OR8D1: variants seen among roughly 807,000 people sequenced by gnomAD.
OR8D1 encodes olfactory receptor 8D1.
For missense variants in OR8D1, 384 were observed against 366.8 expected (o/e 1.05, Z -0.38); for synonymous variants, 143 against 147.0 (o/e 0.97, Z 0.20).
rs1862443836 is a variant in OR8D1 at position 124,313,830 on chromosome 11, A to C, written c.-231T>G. On this transcript the variant is annotated 5_prime_UTR_variant, in exon 1 of 3. Coordinates refer to ENST00000641015, the MANE Select transcript of OR8D1 (RefSeq NM_001002917.2). ...AAGTCTTTCCCACTACCTTATACAC[A>C]CATTTATATGCCAAGGGCTGAATTA... The C allele has an allele frequency of 6.6e-6, 1 of 152,206 alleles. No individual in the cohort carries two copies. Among genetic ancestry groups the C allele is most frequent in the Admixed American group, 6.5e-5 (1 of 15,268 alleles). The allele number at this position is 152,206 out of a possible 1,614,324, so 9.4% of individuals were successfully genotyped here.
intron 2 of OR8D1, among the ~76,000 whole-genome samples, chr11:124,311,118 A>G (rs1000967685): frequency 1.3e-5 from 2 of 152,158 alleles, no homozygotes; most frequent in Non-Finnish European, 2.9e-5. Context: ...AGGAAGATTC[A>G]ATCACTTTTT....
Position 124,305,103 on chromosome 11 carries a change from C to T in OR8D1, c.*4737G>A, listed in dbSNP as rs1862357756. ...CAGACATCTAGTCAATCAGAACAAT[C>T]TGTTGAACAGATTTTCTTTTCCTCA... On this transcript the variant is annotated 3_prime_UTR_variant, in exon 3 of 3. Coordinates refer to ENST00000641015, the MANE Select transcript of OR8D1 (RefSeq NM_001002917.2). The T allele has an allele frequency of 6.6e-6, 1 of 151,852 alleles. No individual in the cohort carries two copies. The highest frequency in any genetic ancestry group is 2.4e-5 in the African/African-American group (1 of 41,402). The allele number at this position is 151,852 out of a possible 1,614,324, so 9.4% of individuals were successfully genotyped here. A position where few individuals can be genotyped will look rare whatever the true frequency, so the allele number is the denominator to read the frequency against.
Position 124,307,192 on chromosome 11 carries a change from AC to A in OR8D1, c.*2647del, listed in dbSNP as rs1385447127. On this transcript the variant is annotated 3_prime_UTR_variant, in exon 3 of 3. Coordinates refer to ENST00000641015, the MANE Select transcript of OR8D1 (RefSeq NM_001002917.2). ...CTTAACAGCAAAAGTAGATTTAAGT[AC>A]AAAAGTGTACTTACAAGTTTGGGAC... The A allele has an allele frequency of 6.6e-6, 1 of 151,352 alleles. No individual in the cohort carries two copies. The highest frequency in any genetic ancestry group is 2.4e-5 in the African/African-American group (1 of 41,390). 9.4% of individuals were successfully genotyped at this position (151,352 alleles called of 1,614,324 possible). A position where few individuals can be genotyped will look rare whatever the true frequency, so the allele number is the denominator to read the frequency against.
chr11:124,312,875 T>C (rs1352622655), intron 1 of OR8D1, among the ~76,000 whole-genome samples: 2 of 151,968 alleles, frequency 1.3e-5, no homozygotes, highest in Non-Finnish European at 2.9e-5. Flanking sequence ...ATTGTATCTT[T>C]ATCTCTTAGA....
intron 2 of OR8D1, among the ~76,000 whole-genome samples, chr11:124,311,344 A>C (rs1862420184): frequency 6.6e-6 from 1 of 152,138 alleles, no homozygotes; most frequent in African/African-American, 2.4e-5. Context: ...GGGAGTCTCC[A>C]CATAATACCT....
Position 124,305,570 on chromosome 11 carries a change from G to C in OR8D1, c.*4270C>G, listed in dbSNP as rs1431667800. 1 of 151,820 alleles carries C rather than the reference G, an allele frequency of 6.6e-6. No individual in the cohort carries two copies. The highest frequency in any genetic ancestry group is 2.4e-5 in the African/African-American group (1 of 41,394). The allele number at this position is 151,820 out of a possible 1,614,324, so 9.4% of individuals were successfully genotyped here. A position where few individuals can be genotyped will look rare whatever the true frequency, so the allele number is the denominator to read the frequency against. On this transcript the variant is annotated 3_prime_UTR_variant, in exon 3 of 3. Transcript: ENST00000641015. ...GGGAAAAGCAAAAGGGGGCCTCCAG[G>C]AGTGATGCTAATATTCTATATCTTT...
At position 124,305,734 on chromosome 11, in the gene OR8D1, G is replaced by C. The variant is rs207472453; in HGVS notation, c.*4106C>G. The C allele has an allele frequency of 6.6e-6, 1 of 151,756 alleles. No individual in the cohort carries two copies. Among genetic ancestry groups the C allele is most frequent in the Admixed American group, 6.6e-5 (1 of 15,182 alleles). The allele number at this position is 151,756 out of a possible 1,614,324, so 9.4% of individuals were successfully genotyped here. ...ATCTTAAAAACTGATTGGAGTAGAA[G>C]ATAAAGCCCTTTGAATCCCCTGTAT... is the stretch of plus-strand genomic sequence containing the variant. On this transcript the variant is annotated 3_prime_UTR_variant, in exon 3 of 3. Coordinates refer to ENST00000641015, the MANE Select transcript of OR8D1 (RefSeq NM_001002917.2).
intron 1 of OR8D1, among the ~76,000 whole-genome samples, chr11:124,312,007 G>C (rs1388515631): frequency 6.6e-6 from 1 of 152,182 alleles, no homozygotes; most frequent in Non-Finnish European, 1.5e-5. Context: ...CTTTACTGCA[G>C]ACCAGTTTGT....
chr11:124,312,254 G>A (rs1862428271), intron 1 of OR8D1, among the ~76,000 whole-genome samples: 1 of 152,084 alleles, frequency 6.6e-6, no homozygotes, highest in South Asian at 2.1e-4. Context: ...TTTGCCCTAG[G>A]TCCTTCACTT....
intron 1 of OR8D1, among the ~76,000 whole-genome samples, chr11:124,311,934 A>G (rs1170721309): frequency 1.3e-5 from 2 of 152,164 alleles, no homozygotes; most frequent in Non-Finnish European, 2.9e-5. Context: ...GAGGTGAACT[A>G]TAGTCTACTC....
rs184288302 is a variant in OR8D1, at chr11:124,304,118, G to A, written c.*5722C>T. 6.6e-6 allele frequency: 1 copy of A among 152,048 alleles called. No homozygotes were observed. The highest frequency in any genetic ancestry group is 2.4e-5 in the African/African-American group (1 of 41,518). The allele number at this position is 152,048 out of a possible 1,614,324, so 9.4% of individuals were successfully genotyped here. On this transcript the variant is annotated 3_prime_UTR_variant, in exon 3 of 3. Transcript: ENST00000641015. Reference sequence around the variant, plus strand: ...ACTATTTGTTATCTGGTTTTTTAGAGAAAACATGTCAGTCTCTAATGTAGG... The same window carrying A: ...ACTATTTGTTATCTGGTTTTTTAGAAAAAACATGTCAGTCTCTAATGTAGG...
rs1862404187 is a variant in OR8D1, at chr11:124,309,987, G to T, written c.780C>A (p.Phe260Leu). The change falls in exon 3 of 3, where the codon TTC (phenylalanine) becomes TTA (leucine). Residue 260 changes from phenylalanine (F) to leucine (L), a missense_variant. By Grantham distance (22) the Phe-to-Leu change is conservative. Transcript: ENST00000641015. The part of the protein sequence containing the change: ...IFFGSITFMY[F>L]KPPSSNSLDQ... ...CCAGGGAGTTACTTGAAGGGGGCTTGAAATACATGAAGGTAATGGACCCAA... is the reference window on the plus strand; with the variant it reads ...CCAGGGAGTTACTTGAAGGGGGCTTTAAATACATGAAGGTAATGGACCCAA... 6.3e-7 allele frequency: 1 copy of T among 1,581,784 alleles called. No individual in the cohort carries two copies. Among genetic ancestry groups the T allele is most frequent in the African/African-American group, 1.4e-5 (1 of 73,730 alleles).
rs1862388395 is a variant in OR8D1 at position 124,308,771 on chromosome 11, A to G, written c.*1069T>C. ...TAATATGTGATATAGAGTGAAGAAA[A>G]CTAACTTGATATGGAAGTTAAAATG... On this transcript the variant is annotated 3_prime_UTR_variant, in exon 3 of 3. Transcript: ENST00000641015. 1 of 152,128 alleles carries G rather than the reference A, an allele frequency of 6.6e-6. No homozygotes were observed. The highest frequency in any genetic ancestry group is 2.4e-5 in the African/African-American group (1 of 41,446). 9.4% of individuals were successfully genotyped at this position (152,128 alleles called of 1,614,324 possible).
At position 124,307,864 on chromosome 11, in the gene OR8D1, A is replaced by G. The variant is rs182158665; in HGVS notation, c.*1976T>C. The G allele has an allele frequency of 3.2e-3, 492 of 152,252 alleles. 3 individuals carry two copies. Among genetic ancestry groups the G allele is most frequent in the African/African-American group, 0.011 (473 of 41,566 alleles). 9.4% of individuals were successfully genotyped at this position (152,252 alleles called of 1,614,324 possible). The stretch of plus-strand genomic sequence containing the variant: ...AAATGTATAAGTTCTGAGCAGGGCT[A>G]CAAATACCCATCTTCTAAATTGGAG... On this transcript the variant is annotated 3_prime_UTR_variant, in exon 3 of 3. Transcript: ENST00000641015.
Position 124,310,147 on chromosome 11 carries a change from G to A in OR8D1, c.620C>T (p.Thr207Ile), listed in dbSNP as rs200978021. 6.2e-7 allele frequency: 1 copy of A among 1,613,730 alleles called. No homozygotes were observed. Among genetic ancestry groups the A allele is most frequent in the Non-Finnish European group, 8.5e-7 (1 of 1,179,882 alleles). The change falls in exon 3 of 3, where the codon ACC becomes ATC. Residue 207 changes from threonine to isoleucine, a missense_variant. By Grantham distance (89) the Thr-to-Ile change is moderately conservative. Coordinates refer to ENST00000641015, the MANE Select transcript of OR8D1 (RefSeq NM_001002917.2). ...LLLFIIAGFN[T>I]LVPTLAVAVS... ...AGCAACAGCTAGGGTGGGCACCAAG[G>A]TGTTAAACCCCGCAATGATAAAAAG...
In OR8D1 at chr11:124,310,642, T is replaced by G. The variant is rs921127213; in HGVS notation, c.125A>C (p.Asn42Thr). 17 of 1,613,722 alleles carry G rather than the reference T, an allele frequency of 1.1e-5. No individual in the cohort carries two copies. Among genetic ancestry groups the G allele is most frequent in the Non-Finnish European group, 1.4e-5 (17 of 1,179,876 alleles). ...TGCAATCAGGAGAATCATGCCCAGG[T>G]TGCCCACTACTGTGACCACATAGAT... is the stretch of plus-strand genomic sequence containing the variant. ...LGIYVVTVVG[N>T]LGMILLIAVS... The change falls in exon 3 of 3, where the codon AAC (asparagine) becomes ACC (threonine). Residue 42 changes from asparagine to threonine, a missense_variant. Coordinates refer to ENST00000641015, the MANE Select transcript of OR8D1 (RefSeq NM_001002917.2).
At position 124,308,796 on chromosome 11, in the gene OR8D1, G is replaced by A. The variant is rs1862388598; in HGVS notation, c.*1044C>T. ...ACTAACTTGATATGGAAGTTAAAATGCTAGAAATTCAATGGAATATTCCTG... is the reference window on the plus strand; with the variant it reads ...ACTAACTTGATATGGAAGTTAAAATACTAGAAATTCAATGGAATATTCCTG... On this transcript the variant is annotated 3_prime_UTR_variant, in exon 3 of 3. Transcript: ENST00000641015. 6.6e-6 allele frequency: 1 copy of A among 152,088 alleles called. No homozygotes were observed. Among genetic ancestry groups the A allele is most frequent in the African/African-American group, 2.4e-5 (1 of 41,432 alleles). 9.4% of individuals were successfully genotyped at this position (152,088 alleles called of 1,614,324 possible).
At chr11:124,312,329 A>C (rs1050586184) in intron 1 of OR8D1, among the ~76,000 whole-genome samples, 1 of 152,046 alleles carries the variant, frequency 6.6e-6, no homozygotes, top group Admixed American at 6.6e-5. Context: ...GTTTGTTTTC[A>C]GATTTGGAAA....
Position 124,308,003 on chromosome 11 carries a change from A to G in OR8D1, c.*1837T>C, listed in dbSNP as rs1377388680. The G allele has an allele frequency of 1.3e-5, 2 of 152,176 alleles. No homozygotes were observed. The highest frequency in any genetic ancestry group is 4.8e-5 in the African/African-American group (2 of 41,454). The allele number at this position is 152,176 out of a possible 1,614,324, so 9.4% of individuals were successfully genotyped here. A position where few individuals can be genotyped will look rare whatever the true frequency, so the allele number is the denominator to read the frequency against. ...TAAAAATAATATTGCATCTAAATAT[A>G]CTGAGAAAGAGAAACAGTTCAATTG... is the stretch of plus-strand genomic sequence containing the variant. On this transcript the variant is annotated 3_prime_UTR_variant, in exon 3 of 3. Transcript: ENST00000641015.
Sources: gnomAD v4.1 joint callset for allele counts (sites outside exome capture counted in the v4.1 genomes callset) on GRCh38, gnomAD v4.1.1 for gene constraint, MANE v1.5 for transcripts, NCBI Gene and HGNC (gene_info 2026-07-23, HGNC 2026-07-21) for gene names.